The following GSE1 variants were observed in gnomAD, a reference collection of about 807,000 sequenced individuals.
GSE1 encodes the protein genetic suppressor element 1.
GSE1 carries 32 observed loss-of-function variants against 112.6 expected under a neutral mutation model. The observed-to-expected ratio is 0.28, with a 90% CI of 0.21 to 0.38. The LOEUF (loss-of-function observed/expected upper bound fraction) is 0.38, where lower values mean the gene tolerates loss of function less well. GSE1 is among the 10% of genes least tolerant of loss of function. The probability of loss-of-function intolerance (pLI) is 1.00; values close to 1 mark genes in which losing one functional copy is unlikely to be tolerated. For synonymous variants in GSE1, 1,115 were observed against 735.6 expected (o/e 1.52, Z -8.35); for missense variants, 2,348 against 1,699.2 (o/e 1.38, Z -6.71).
At chr16:85,429,819 G>A (rs914555478) in intron 2 of GSE1, among the ~76,000 whole-genome samples, 25 of 152,256 alleles carry the variant, frequency 1.6e-4, no homozygotes, top group Non-Finnish European at 2.8e-4. Context: ...TCCATTCCTC[G>A]ATTTTCCATT....
chr16:85,480,797 C>G (rs991232554), intron 2 of GSE1, among the ~76,000 whole-genome samples: 5 of 152,160 alleles, frequency 3.3e-5, no homozygotes, highest in African/African-American at 1.2e-4. Flanking sequence ...GATTTTTCTG[C>G]CTGACATCCC....
In GSE1 at chr16:85,253,069, A is replaced by ACCCCCCCCC. The variant is rs56691935; in HGVS notation, c.2283+81267_2283+81275dup. On this transcript the variant is annotated intron_variant, in intron 1 of 2. Coordinates refer to the GSE1 transcript ENST00000637419. ...TCATAGGCGCCCCCGCCCCCCCCCCACCCCCCCCCCCCCACCAGCAGGCTG... is the reference window on the plus strand; with the variant it reads ...TCATAGGCGCCCCCGCCCCCCCCCCACCCCCCCCCCCCCCCCCCCCCCACCAGCAGGCTG... 1.4e-4 allele frequency among the ~76,000 whole-genome samples: 8 copies of ACCCCCCCCC among 57,816 alleles called. 1 individual carries two copies. Among genetic ancestry groups the ACCCCCCCCC allele is most frequent in the African/African-American group, 2.1e-4 (3 of 14,542 alleles). The allele number at this position is 57,816 out of a possible 152,430, so 37.9% of individuals were successfully genotyped here.
chr16:85,323,524 G>T (rs1485805669), intron 1 of GSE1, among the ~76,000 whole-genome samples: 1 of 152,198 alleles, frequency 6.6e-6, no homozygotes. Flanking sequence ...GGGGCGAGTT[G>T]CCAGGTGGAT....
chr16:85,566,409 G>C (rs1567596150), intron 1 of GSE1, among the ~76,000 whole-genome samples: 1 of 152,250 alleles, frequency 6.6e-6, no homozygotes, highest in Non-Finnish European at 1.5e-5. Flanking sequence ...AATCGTCCTG[G>C]TGAGGTCGTC....
intron 2 of GSE1, among the ~76,000 whole-genome samples, chr16:85,403,989 G>T (rs545199587): frequency 5.4e-5 from 8 of 148,534 alleles, no homozygotes; most frequent in African/African-American, 1.5e-4. Context: ...TTCAGGGCAG[G>T]CATCTTCACC....
chr16:85,515,089 G>A (rs925940104), intron 2 of GSE1, among the ~76,000 whole-genome samples: 2 of 152,214 alleles, frequency 1.3e-5, no homozygotes, highest in African/African-American at 4.8e-5. Context: ...GTGCACACGT[G>A]TCAGGGGTGC....
At chr16:85,310,565 A>C (rs577791685) in intron 1 of GSE1, among the ~76,000 whole-genome samples, 4 of 97,132 alleles carry the variant, frequency 4.1e-5, no homozygotes, top group Non-Finnish European at 7.9e-5. Flanking sequence ...TCACCTGCCC[A>C]CTGCCCTTGG....
intron 1 of GSE1, among the ~76,000 whole-genome samples, chr16:85,176,748 TG>T (rs2074474631): frequency 6.6e-6 from 1 of 152,268 alleles, no homozygotes; most frequent in African/African-American, 2.4e-5. Flanking sequence ...GAACAGGTGT[TG>T]CTGCCGCAAC....
chr16:85,192,849 G>A (rs2074851492), intron 1 of GSE1, among the ~76,000 whole-genome samples: 2 of 152,238 alleles, frequency 1.3e-5, no homozygotes, highest in African/African-American at 4.8e-5. Flanking sequence ...GCCTCACCTG[G>A]AAGCTGCCTC....
chr16:85,652,460 T>C (rs1418558454), intron 3 of GSE1, among the ~76,000 whole-genome samples: 1 of 152,120 alleles, frequency 6.6e-6, no homozygotes, highest in Non-Finnish European at 1.5e-5. Flanking sequence ...TCAGAAGTCG[T>C]GAACCCAGGA....
At chr16:85,445,815 T>A (rs1396971210) in intron 2 of GSE1, among the ~76,000 whole-genome samples, 1 of 152,154 alleles carries the variant, frequency 6.6e-6, no homozygotes, top group Admixed American at 6.5e-5. Context: ...CTTGTGGGAT[T>A]TCTGCTGGGG....
chr16:85,384,324 C>T (rs1434710596), intron 2 of GSE1, among the ~76,000 whole-genome samples: 1 of 152,216 alleles, frequency 6.6e-6, no homozygotes, highest in African/African-American at 2.4e-5. Flanking sequence ...GGAGAACCTC[C>T]CCCTTGCCCA....
intron 2 of GSE1, among the ~76,000 whole-genome samples, chr16:85,644,202 G>C (rs1264205941): frequency 6.6e-6 from 1 of 152,144 alleles, no homozygotes; most frequent in East Asian, 1.9e-4. Context: ...AGCCGGGCCT[G>C]GTGGCACGTG....
At chr16:85,597,495 G>A (rs2047285434) in intron 1 of GSE1, among the ~76,000 whole-genome samples, 1 of 151,880 alleles carries the variant, frequency 6.6e-6, no homozygotes, top group Non-Finnish European at 1.5e-5. Context: ...TGAGAGACAG[G>A]ATCTCATTCT....
chr16:85,612,331 C>T (rs1173861463), upstream of GSE1, among the ~76,000 whole-genome samples: 1 of 151,898 alleles, frequency 6.6e-6, no homozygotes, highest in Non-Finnish European at 1.5e-5. Flanking sequence ...TGTGGGTGCC[C>T]AGGAATTTCA....
chr16:85,445,771 G>T (rs2049495812), intron 2 of GSE1, among the ~76,000 whole-genome samples: 1 of 152,188 alleles, frequency 6.6e-6, no homozygotes, highest in East Asian at 1.9e-4. Flanking sequence ...TGGGTGGCTG[G>T]CCTGCTCCCA....
chr16:85,636,879 C>T (rs1468331406), intron 2 of GSE1, among the ~76,000 whole-genome samples: 1 of 152,132 alleles, frequency 6.6e-6, no homozygotes, highest in African/African-American at 2.4e-5. Flanking sequence ...TTGTGGAGTC[C>T]TGGATGACAG....
intron 1 of GSE1, among the ~76,000 whole-genome samples, chr16:85,561,096 T>C (rs1427157439): frequency 6.6e-6 from 1 of 151,602 alleles, no homozygotes. Flanking sequence ...TCCACGACTG[T>C]ACTGCAACCT....
At chr16:85,408,796 C>G (rs1315729458) in intron 2 of GSE1, among the ~76,000 whole-genome samples, 1 of 65,338 alleles carries the variant, frequency 1.5e-5, no homozygotes, top group African/African-American at 7.2e-5. Context: ...TCTGATAATC[C>G]TCACCGTTGC....
Sources: gnomAD v4.1 joint callset for allele counts (sites outside exome capture counted in the v4.1 genomes callset) on GRCh38, gnomAD v4.1.1 for gene constraint, MANE v1.5 for transcripts, NCBI Gene and HGNC (gene_info 2026-07-23, HGNC 2026-07-21) for gene names.